The following ECM2 variants were observed in gnomAD, a reference collection of about 807,000 sequenced individuals.
The protein encoded by ECM2 is extracellular matrix protein 2, female organ and adipocyte specific.
ECM2 carries 57 observed loss-of-function variants against 67.5 expected under a neutral mutation model. The observed-to-expected ratio is 0.84, with a 90% confidence interval of 0.68 to 1.05. The LOEUF (loss-of-function observed/expected upper bound fraction) is 1.05. Ranked by LOEUF, ECM2 falls within the 50% of genes least tolerant of loss-of-function variation. The pLI is 0.00. For missense variants in ECM2, 741 were observed against 822.8 expected (o/e 0.90, Z 1.22); for synonymous variants, 258 against 294.5 (o/e 0.88, Z 1.27).
At position 92,533,328 on chromosome 9, in the gene ECM2, A is replaced by AAAAAAAAT. The variant is rs1554683138; in HGVS notation, c.-28+2604_-28+2605insATTTTTTT. Among the ~76,000 whole-genome samples the AAAAAAAAT allele has an allele frequency of 3.4e-4, 13 of 38,334 alleles. 1 individual carries two copies. Among genetic ancestry groups the AAAAAAAAT allele is most frequent in the East Asian group, 7.4e-4 (1 of 1,348 alleles). 25.1% of individuals were successfully genotyped at this position (38,334 alleles called of 152,430 possible). ...CAAAAAAAAAAAAAAAAAAAAAAAA[A>AAAAAAAAT]ATATATATATATATATATATATATA... On this transcript the variant is annotated intron_variant, in intron 1 of 9. Transcript: ENST00000344604.
At chr9:92,521,516 G>A (rs1848068469) in intron 2 of ECM2, among the ~76,000 whole-genome samples, 1 of 152,128 alleles carries the variant, frequency 6.6e-6, no homozygotes, top group African/African-American at 2.4e-5. Flanking sequence ...GCATTTAGCT[G>A]TATTGAGACA....
chr9:92,540,587 A>T (rs1399430800), upstream of ECM2, among the ~76,000 whole-genome samples: 1 of 151,696 alleles, frequency 6.6e-6, no homozygotes, highest in East Asian at 2.0e-4. Flanking sequence ...CCTGGCCAAC[A>T]TAGTGAAACC....
In ECM2 at chr9:92,515,037, A is replaced by G. The variant is rs368303849; in HGVS notation, c.648T>C (p.Asp216=). The change falls in exon 4 of 10, where the codon GAT becomes GAC. Residue 216 remains aspartate, a synonymous_variant. Coordinates refer to ENST00000344604, the MANE Select transcript of ECM2 (RefSeq NM_001393.4). ...VRKEALQSEE[D]EEVKEEDTEQ... The stretch of plus-strand genomic sequence containing the variant: ...CTGTATCTTCTTCTTTCACTTCTTC[A>G]TCCTCCTCAGATTGAAGTGCTTCTT... 13 of 1,613,674 alleles carry G rather than the reference A, an allele frequency of 8.1e-6. No homozygotes were observed. The African/African-American group carries it at 1.7e-4, about 22-fold the overall frequency.
chr9:92,503,357 G>T (rs1846803514), intron 7 of ECM2, among the ~76,000 whole-genome samples: 1 of 152,168 alleles, frequency 6.6e-6, no homozygotes, highest in African/African-American at 2.4e-5. Context: ...CCCACCCGTG[G>T]TTACATGACT....
intron 9 of ECM2, among the ~76,000 whole-genome samples, chr9:92,497,847 T>C (rs958225845): frequency 6.7e-6 from 1 of 148,406 alleles, no homozygotes; most frequent in Non-Finnish European, 1.5e-5. Context: ...GTTCTTGTTC[T>C]ATTAATTCCC....
At chr9:92,522,276 C>T (rs1054531727) in intron 2 of ECM2, among the ~76,000 whole-genome samples, 1 of 151,878 alleles carries the variant, frequency 6.6e-6, no homozygotes, top group African/African-American at 2.4e-5. Context: ...TTAGTAGAGA[C>T]GGGGTTTCAA....
At chr9:92,551,952 TGA>T in the ECM2 span, among the ~76,000 whole-genome samples, 2 of 113,858 alleles carry the variant, frequency 1.8e-5, no homozygotes, top group African/African-American at 8.1e-5. Flanking sequence ...TATATATATA[TGA>T]TATATATATG....
At chr9:92,529,758 C>CAAA (rs1268324989) in intron 1 of ECM2, among the ~76,000 whole-genome samples, 7 of 152,054 alleles carry the variant, frequency 4.6e-5, no homozygotes, top group African/African-American at 1.7e-4. Context: ...CTAGAAAGGG[C>CAAA]AAAACTATGC....
chr9:92,547,754 A>G, the ECM2 span, among the ~76,000 whole-genome samples: 2 of 152,254 alleles, frequency 1.3e-5, no homozygotes, highest in Non-Finnish European at 2.9e-5. Flanking sequence ...AACTAGGAAT[A>G]TACTAAAAAC....
At chr9:92,514,071 A>G (rs951000826) in intron 4 of ECM2, among the ~76,000 whole-genome samples, 1 of 152,008 alleles carries the variant, frequency 6.6e-6, no homozygotes, top group South Asian at 2.1e-4. Flanking sequence ...TTCAGGATCA[A>G]TTTTTAGGAT....
intron 1 of ECM2, among the ~76,000 whole-genome samples, chr9:92,525,969 T>C (rs1292912736): frequency 6.6e-6 from 1 of 151,932 alleles, no homozygotes; most frequent in African/African-American, 2.4e-5. Context: ...ACAACTATAT[T>C]ACTGGTTTAT....
chr9:92,498,466 A>T (rs946383371), intron 9 of ECM2, among the ~76,000 whole-genome samples: 3 of 152,092 alleles, frequency 2.0e-5, no homozygotes, highest in South Asian at 4.1e-4. Flanking sequence ...TATATATATT[A>T]AAAAAAGACA....
intron 2 of ECM2, among the ~76,000 whole-genome samples, chr9:92,520,020 G>A (rs1199242234): frequency 2.7e-5 from 4 of 150,222 alleles, no homozygotes; most frequent in African/African-American, 5.0e-5. Context: ...AGTGGCTCTC[G>A]CTTGTAATTC....
chr9:92,554,365 T>C, the ECM2 span, among the ~76,000 whole-genome samples: 1 of 152,086 alleles, frequency 6.6e-6, no homozygotes, highest in Admixed American at 6.5e-5. Context: ...TTGTATTTGG[T>C]AAAGATGGGG....
At chr9:92,548,352 A>G in the ECM2 span, among the ~76,000 whole-genome samples, 2 of 152,350 alleles carry the variant, frequency 1.3e-5, no homozygotes, top group Admixed American at 6.5e-5. Flanking sequence ...TAGGATTAAG[A>G]CAAAACCATT....
intron 1 of ECM2, among the ~76,000 whole-genome samples, chr9:92,531,540 T>G (rs1848751753): frequency 6.6e-6 from 1 of 152,188 alleles, no homozygotes; most frequent in African/African-American, 2.4e-5. Flanking sequence ...AGATAATTCT[T>G]TTTTTATGGG....
chr9:92,495,952 A>G lies in ECM2; in HGVS notation c.*363T>C. On this transcript the variant is annotated 3_prime_UTR_variant, in exon 10 of 10. Coordinates refer to ENST00000344604, the MANE Select transcript of ECM2 (RefSeq NM_001393.4). ...TTAATCTTGAACCAAAAGATACATA[A>G]TTTTTAAAGGGACTTACAGAGTTCT... 1.0e-6 allele frequency: 1 copy of G among 987,124 alleles called. No individual in the cohort carries two copies. Among genetic ancestry groups the G allele is most frequent in the South Asian group, 4.7e-5 (1 of 21,298 alleles). The allele number at this position is 987,124 out of a possible 1,614,324, so 61.1% of individuals were successfully genotyped here.
rs71362395 is a variant in ECM2, at chr9:92,525,893, C to CAAAAAAAAA, written c.-27-3009_-27-3001dup. Among the ~76,000 whole-genome samples, 5 of 43,906 alleles carry CAAAAAAAAA rather than the reference C, an allele frequency of 1.1e-4. 1 individual carries two copies. Among genetic ancestry groups the CAAAAAAAAA allele is most frequent in the Non-Finnish European group, 1.9e-4 (4 of 20,862 alleles). 28.8% of individuals were successfully genotyped at this position (43,906 alleles called of 152,430 possible). ...CCAGAGTGCAGAGAGACTCTATCTCCAAAAAAAAAAAAAAAAAAAAAAGCA... is the reference window on the plus strand; with the variant it reads ...CCAGAGTGCAGAGAGACTCTATCTCCAAAAAAAAAAAAAAAAAAAAAAAAAAAAAAAGCA... On this transcript the variant is annotated intron_variant, in intron 1 of 9. Coordinates refer to ENST00000344604, the MANE Select transcript of ECM2 (RefSeq NM_001393.4).
the ECM2 span, among the ~76,000 whole-genome samples, chr9:92,552,703 A>G: frequency 6.6e-6 from 1 of 151,228 alleles, no homozygotes; most frequent in African/African-American, 2.4e-5. Context: ...TTTTTTTCTT[A>G]CTGATTTGTT....
Sources: gnomAD v4.1 joint callset for allele counts (sites outside exome capture counted in the v4.1 genomes callset) on GRCh38, gnomAD v4.1.1 for gene constraint, MANE v1.5 for transcripts, NCBI Gene and HGNC (gene_info 2026-07-23, HGNC 2026-07-21) for gene names.